CCDC30: variants seen among roughly 807,000 people sequenced by gnomAD.
The protein encoded by CCDC30 is coiled-coil domain containing 30.
Under a neutral mutation model 100.2 loss-of-function variants are expected in CCDC30, and 70 were observed. The ratio of observed to expected loss-of-function variants is 0.70; its 90% CI spans 0.58 to 0.85. The LOEUF (loss-of-function observed/expected upper bound fraction) is 0.85, where lower values mean the gene tolerates loss of function less well. Ranked by LOEUF, CCDC30 falls within the 40% of genes least tolerant of loss-of-function variation. CCDC30 has a pLI of 0.00. For missense variants in CCDC30, 652 were observed against 771.2 expected, an observed-to-expected ratio of 0.85 and a Z score of 1.83; for synonymous variants, 233 against 269.5, an observed-to-expected ratio of 0.86 and a Z score of 1.33.
chr1:42,472,862 T>C (rs901916199), intron 1 of CCDC30, among the ~76,000 whole-genome samples: 2 of 152,178 alleles, frequency 1.3e-5, no homozygotes, highest in Non-Finnish European at 2.9e-5. Context: ...CTGCTTTCAG[T>C]TTTCCTCACA....
chr1:42,504,718 A>G (rs543689147), intron 6 of CCDC30, among the ~76,000 whole-genome samples: 15 of 152,332 alleles, frequency 9.8e-5, no homozygotes, highest in African/African-American at 3.6e-4. Context: ...TCCTGCAATT[A>G]TTAATTCTTT....
chr1:42,544,583 CG>C (rs2148532930), intron 6 of CCDC30, among the ~76,000 whole-genome samples: 1 of 152,252 alleles, frequency 6.6e-6, no homozygotes, highest in South Asian at 2.1e-4. Flanking sequence ...GGCCTGATCT[CG>C]GCTCATTGCA....
chr1:42,624,163 A>T (rs1232835920), intron 11 of CCDC30, among the ~76,000 whole-genome samples: 2 of 152,210 alleles, frequency 1.3e-5, no homozygotes, highest in Non-Finnish European at 2.9e-5. Context: ...ATATAAAATT[A>T]TATCATCTGC....
chr1:42,622,611 C>T (rs372189100), intron 11 of CCDC30, among the ~76,000 whole-genome samples: 6 of 151,754 alleles, frequency 4.0e-5, no homozygotes, highest in South Asian at 2.1e-4. Context: ...GGATTACAGG[C>T]GTACTTATGC....
chr1:42,587,252 C>T (rs992336318), intron 9 of CCDC30, among the ~76,000 whole-genome samples: 3 of 152,242 alleles, frequency 2.0e-5, no homozygotes, highest in Admixed American at 6.5e-5. Flanking sequence ...CTACCTTGGC[C>T]TCCCAAAGTG....
At chr1:42,480,096 T>A (rs1474505361) in intron 1 of CCDC30, among the ~76,000 whole-genome samples, 1 of 152,132 alleles carries the variant, frequency 6.6e-6, no homozygotes, top group East Asian at 1.9e-4. Flanking sequence ...ATTTTAGACC[T>A]TGCAATAAAT....
chr1:42,500,357 G>A (rs959710520), intron 6 of CCDC30: 14 of 1,550,198 alleles, frequency 9.0e-6, no homozygotes, highest in East Asian at 6.7e-5. Flanking sequence ...GAGGAAAAGC[G>A]GAGTGAGGTG....
chr1:42,497,104 C>G (rs1335864213), exon 5 of CCDC30: 2 of 1,232,364 alleles, frequency 1.6e-6, no homozygotes, highest in African/African-American at 3.1e-5. Flanking sequence ...TTAGATGCAG[C>G]TGACCTACAG....
At chr1:42,469,862 A>AC (rs1643710675) in intron 1 of CCDC30, among the ~76,000 whole-genome samples, 1 of 152,168 alleles carries the variant, frequency 6.6e-6, no homozygotes, top group African/African-American at 2.4e-5. Flanking sequence ...GGGAGAGGTA[A>AC]AAGTTTTGAA....
At chr1:42,514,614 G>T (rs1361866932) in intron 6 of CCDC30, among the ~76,000 whole-genome samples, 3 of 151,978 alleles carry the variant, frequency 2.0e-5, no homozygotes, top group African/African-American at 7.2e-5. Flanking sequence ...AGTCTCAGGA[G>T]CTCTTTATAT....
At chr1:42,604,847 A>G (rs1368230914) in intron 10 of CCDC30, among the ~76,000 whole-genome samples, 1 of 152,216 alleles carries the variant, frequency 6.6e-6, no homozygotes, top group Non-Finnish European at 1.5e-5. Flanking sequence ...GAGCTGACCC[A>G]GGCCTAGGGA....
intron 1 of CCDC30, chr1:42,473,405 A>G (rs763944819): frequency 3.1e-6 from 2 of 646,606 alleles, no homozygotes; most frequent in Non-Finnish European, 4.4e-6. Context: ...ATCACTGTAT[A>G]GTTTGAAAAG....
At chr1:42,530,784 T>C (rs1644793761) in intron 6 of CCDC30, among the ~76,000 whole-genome samples, 1 of 152,192 alleles carries the variant, frequency 6.6e-6, no homozygotes, top group East Asian at 1.9e-4. Flanking sequence ...TACCATCTTA[T>C]ATGAGGGACT....
chr1:42,503,343 G>A (rs1359553996), intron 6 of CCDC30, among the ~76,000 whole-genome samples: 1 of 152,222 alleles, frequency 6.6e-6, no homozygotes, highest in Non-Finnish European at 1.5e-5. Flanking sequence ...TTGTGAGAGA[G>A]AGGGGCATCC....
intron 11 of CCDC30, 93 bp downstream of exon 15, chr1:42,611,183 T>G (rs932815325): frequency 9.3e-6 from 6 of 646,058 alleles, no homozygotes; most frequent in Non-Finnish European, 1.6e-5. Flanking sequence ...GGCTGCTCAC[T>G]GAAGCAACCT....
upstream of CCDC30, among the ~76,000 whole-genome samples, chr1:42,458,663 C>T (rs189807087): frequency 4.6e-4 from 70 of 152,246 alleles, no homozygotes; most frequent in Non-Finnish European, 7.5e-4. Context: ...TTTTTTAGGG[C>T]AAAGTCTGAT....
chr1:42,468,198 T>C (rs144935336), intron 1 of CCDC30, among the ~76,000 whole-genome samples: 40 of 152,268 alleles, frequency 2.6e-4, no homozygotes, highest in Non-Finnish European at 5.3e-4. Flanking sequence ...AAGAAAGAAA[T>C]GTATTCCTCC....
chr1:42,476,508 T>C (rs1295213499), intron 1 of CCDC30, among the ~76,000 whole-genome samples: 6 of 152,046 alleles, frequency 3.9e-5, no homozygotes, highest in Non-Finnish European at 2.9e-5. Context: ...TTGACCAACA[T>C]GGAGAAACCC....
intron 9 of CCDC30, among the ~76,000 whole-genome samples, chr1:42,588,664 A>T (rs1646124941): frequency 6.6e-6 from 1 of 152,190 alleles, no homozygotes; most frequent in Non-Finnish European, 1.5e-5. Flanking sequence ...TTTTCTGAAG[A>T]TCCATAAATA....
Sources: allele counts gnomAD v4.1 joint callset (sites outside exome capture counted in the v4.1 genomes callset), GRCh38; gene constraint gnomAD v4.1.1; transcripts MANE v1.5; gene names NCBI Gene and HGNC (gene_info 2026-07-23, HGNC 2026-07-21).